Variants in IFT22 observed in about 807,000 individuals in gnomAD.
IFT22 encodes the protein intraflagellar transport protein 22 homolog.
IFT22 carries 13 observed loss-of-function variants against 21.0 expected under a neutral mutation model. The observed-to-expected ratio is 0.62, with a 90% CI of 0.40 to 0.98. The LOEUF is 0.98. IFT22 is among the 50% of genes least tolerant of loss of function. The pLI, the probability that IFT22 is intolerant of heterozygous loss-of-function variation, is 0.00. For missense variants in IFT22, 227 were observed against 228.9 expected (o/e 0.99, Z 0.06); for synonymous variants, 67 against 82.4 (o/e 0.81, Z 1.01).
Position 101,315,043 on chromosome 7 carries a change from A to G in IFT22, c.*91T>C. On this transcript the variant is annotated 3_prime_UTR_variant, in exon 5 of 5. Transcript: ENST00000315322. Reference sequence around the variant, plus strand: ...CACTTCCTCTGCAGTCAGAGGGAGAAGAAAACATCAGGAGCTGGATGTGAT... The same window carrying G: ...CACTTCCTCTGCAGTCAGAGGGAGAGGAAAACATCAGGAGCTGGATGTGAT... 3 of 1,414,338 alleles carry G rather than the reference A, an allele frequency of 2.1e-6. No homozygotes were observed. The highest frequency in any genetic ancestry group is 1.4e-5 in the African/African-American group (1 of 70,068). 87.6% of individuals were successfully genotyped at this position (1,414,338 alleles called of 1,614,324 possible).
chr7:101,316,491 G>C lies in IFT22; in HGVS notation c.258C>G (p.Ile86Met). Residue 86 changes from isoleucine to methionine, a missense_variant, in exon 4 of 5, where the codon ATC becomes ATG. Transcript: ENST00000315322. ...GGCTTGGGATGTCAGCATTGAAGAC[G>C]ATCACCACTCCATGAGCATCCTTCA... is the stretch of plus-strand genomic sequence containing the variant. ...ALMKDAHGVV[I>M]VFNADIPSHR... 6.2e-7 allele frequency: 1 copy of C among 1,614,138 alleles called. No individual in the cohort carries two copies. The highest frequency in any genetic ancestry group is 8.5e-7 in the Non-Finnish European group (1 of 1,180,038).
intron 3 of IFT22, among the ~76,000 whole-genome samples, chr7:101,317,274 T>G (rs1008334623): frequency 6.6e-6 from 1 of 151,992 alleles, no homozygotes; most frequent in African/African-American, 2.4e-5. Context: ...TTCTCGTGCC[T>G]CAGTCTCCTG....
intron 2 of IFT22, 45 bp downstream of exon 2, chr7:101,318,911 C>A (rs368829373): frequency 2.0e-6 from 3 of 1,496,638 alleles, no homozygotes; most frequent in Non-Finnish European, 2.8e-6. Flanking sequence ...AGCCTCCCTG[C>A]CGAGCCAGTT....
chr7:101,315,502 A>C, intron 4 of IFT22: 2 of 575,988 alleles, frequency 3.5e-6, no homozygotes, highest in Non-Finnish European at 6.1e-6. Flanking sequence ...TTAAACCAGA[A>C]AGGAATAGAT....
At position 101,318,936 on chromosome 7, in the gene IFT22, A is replaced by G. The variant is rs767875353; in HGVS notation, c.116+20T>C. 1 of 1,592,498 alleles carries G rather than the reference A, an allele frequency of 6.3e-7. No homozygotes were observed. The highest frequency in any genetic ancestry group is 1.1e-5 in the South Asian group (1 of 90,672). On this transcript the variant is annotated intron_variant, in intron 2 of 4. Transcript: ENST00000315322. ...CCGAGCCAGTTGGACACTCTGGGAC[A>G]CAGATTTGTCAGGGCTCACCTCACT...
chr7:101,316,704 A>G (rs1346223315), intron 3 of IFT22, among the ~76,000 whole-genome samples, 162 bp from the exon 4 acceptor site: 2 of 152,126 alleles, frequency 1.3e-5, no homozygotes. Context: ...GCGGGCGATC[A>G]CGAGGTCAGG....
At chr7:101,320,109 A>G (rs1469204410) in intron 1 of IFT22, among the ~76,000 whole-genome samples, 1 of 151,648 alleles carries the variant, frequency 6.6e-6, no homozygotes, top group Non-Finnish European at 1.5e-5. Context: ...GGCATGCACC[A>G]CCAAGCCCAG....
chr7:101,315,201 T>C lies in IFT22; in HGVS notation c.491A>G (p.Tyr164Cys), dbSNP rs1562931435. 6 of 1,614,054 alleles carry C rather than the reference T, an allele frequency of 3.7e-6. 1 individual carries two copies. The South Asian group carries it at 6.6e-5, about 18-fold the overall frequency. Residue 164 changes from tyrosine (Y) to cysteine (C), a missense_variant, in exon 5 of 5, where the codon TAT (tyrosine) becomes TGT (cysteine). By Grantham distance (194) the Tyr-to-Cys change is radical (BLOSUM62 -2). Coordinates refer to ENST00000315322, the MANE Select transcript of IFT22 (RefSeq NM_022777.4). ...CATGGAGTTGATTATGCTTTTTAAA[T>C]ACTTTATGAATTCCATCCGGATCTC... The part of the protein sequence containing the change: ...PEEIRMEFIK[Y>C]LKSIINSMSE...
chr7:101,321,701 T>G lies in IFT22; in HGVS notation c.9A>C (p.Lys3Asn). The G allele has an allele frequency of 6.2e-7, 1 of 1,602,598 alleles. No individual in the cohort carries two copies. Among genetic ancestry groups the G allele is most frequent in the Non-Finnish European group, 8.5e-7 (1 of 1,174,744 alleles). The stretch of plus-strand genomic sequence containing the variant: ...AAGGCCCCACGAAGAGGATCTTGGC[T>G]TTCAGCATAGTTGTCCGCCGCGGCT... ML[K>N]AKILFVGPCE... The change falls in exon 1 of 5, where the codon AAA becomes AAC. Residue 3 changes from lysine (K) to asparagine (N), a missense_variant. Lys to Asn is a moderately conservative substitution (Grantham distance 94). Transcript: ENST00000315322.
rs1790029685 is a variant in IFT22, at chr7:101,313,352, C to A, written c.*1782G>T. 6.6e-6 allele frequency: 1 copy of A among 151,428 alleles called. No individual in the cohort carries two copies. The highest frequency in any genetic ancestry group is 1.5e-5 in the Non-Finnish European group (1 of 67,934). The allele number at this position is 151,428 out of a possible 1,614,324, so 9.4% of individuals were successfully genotyped here. On this transcript the variant is annotated 3_prime_UTR_variant, in exon 5 of 5. Transcript: ENST00000315322. Reference sequence around the variant, plus strand: ...ACCCACTGCAACTGGCCAGGCACTTCAATTTTTTTTTTTTTGCTCTGTCAC... The same window carrying A: ...ACCCACTGCAACTGGCCAGGCACTTAAATTTTTTTTTTTTTGCTCTGTCAC...
chr7:101,312,533 G>GTTTTTT lies in IFT22; in HGVS notation c.*2595_*2600dup, dbSNP rs386410832. 5.4e-3 allele frequency among the ~76,000 whole-genome samples: 622 copies of GTTTTTT among 114,356 alleles called. 2 individuals carry two copies. The highest frequency in any genetic ancestry group is 7.3e-3 in the Non-Finnish European group (425 of 58,078). 75.0% of individuals were successfully genotyped at this position (114,356 alleles called of 152,430 possible). On this transcript the variant is annotated 3_prime_UTR_variant, in exon 5 of 5. Coordinates refer to ENST00000315322, the MANE Select transcript of IFT22 (RefSeq NM_022777.4). ...TAAATATAATGTTTTGGAGAGAGTT[G>GTTTTTT]TTTTTTTTTTTTTTTTTTTTGTGAC...
chr7:101,318,772 G>A (rs968498745), intron 2 of IFT22, 184 bp downstream of exon 2: 1 of 552,172 alleles, frequency 1.8e-6, no homozygotes, highest in Non-Finnish European at 3.3e-6. Flanking sequence ...ATGTAGCTGA[G>A]ACTACAGACA....
rs1246683242 is a variant in IFT22 at position 101,312,530 on chromosome 7, GTTGTTTTTT to G, written c.*2595_*2603del. ...AAATAAATATAATGTTTTGGAGAGA[GTTGTTTTTT>G]TTTTTTTTTTTTTTGTGACGGAGTC... On this transcript the variant is annotated 3_prime_UTR_variant, in exon 5 of 5. Transcript: ENST00000315322. 2.4e-5 allele frequency among the ~76,000 whole-genome samples: 3 copies of G among 126,580 alleles called. No homozygotes were observed. The highest frequency in any genetic ancestry group is 3.2e-5 in the Non-Finnish European group (2 of 62,312). The allele number at this position is 126,580 out of a possible 152,430, so 83.0% of individuals were successfully genotyped here.
In IFT22 at chr7:101,312,325, G is replaced by C. The variant is rs764512493; in HGVS notation, c.*2809C>G. Among the ~76,000 whole-genome samples, 3 of 152,064 alleles carry C rather than the reference G, an allele frequency of 2.0e-5. No individual in the cohort carries two copies. Among genetic ancestry groups the C allele is most frequent in the Admixed American group, 6.6e-5 (1 of 15,240 alleles). ...GTGTATCTCTAGTCTCAACTACTCAGAGGCTGAGCTGGCGAGATCAGTGGA... is the reference window on the plus strand; with the variant it reads ...GTGTATCTCTAGTCTCAACTACTCACAGGCTGAGCTGGCGAGATCAGTGGA... On this transcript the variant is annotated 3_prime_UTR_variant, in exon 5 of 5. Transcript: ENST00000315322.
chr7:101,316,888 C>T lies in IFT22; in HGVS notation c.207-346G>A, dbSNP rs913858964. Reference sequence around the variant, plus strand: ...GCAGTGAGCTGAGATCGTGCCACTGCACTCCAGCGTGGGTGACAGAGCGAG... The same window carrying T: ...GCAGTGAGCTGAGATCGTGCCACTGTACTCCAGCGTGGGTGACAGAGCGAG... On this transcript the variant is annotated intron_variant, in intron 3 of 4. Coordinates refer to ENST00000315322, the MANE Select transcript of IFT22 (RefSeq NM_022777.4). Among the ~76,000 whole-genome samples, 30 of 151,924 alleles carry T rather than the reference C, an allele frequency of 2.0e-4. 1 individual carries two copies. Among genetic ancestry groups the T allele is most frequent in the Non-Finnish European group, 1.5e-5 (1 of 68,012 alleles).
rs1439986990 is a variant in IFT22 at position 101,321,751 on chromosome 7, C to G, written c.-42G>C. 1.3e-6 allele frequency: 2 copies of G among 1,562,762 alleles called. No homozygotes were observed. The highest frequency in any genetic ancestry group is 2.3e-5 in the South Asian group (2 of 85,330). On this transcript the variant is annotated 5_prime_UTR_variant, in exon 1 of 5. Coordinates refer to ENST00000315322, the MANE Select transcript of IFT22 (RefSeq NM_022777.4). ...TTAGCCGGCCGGAGCCCACGGGAGG[C>G]GGCGCGTCAGGACGGAGCTCTACTT...
At chr7:101,318,251 G>C (rs915231509) in intron 2 of IFT22, 38 bp from the exon 3 acceptor site, 1 of 1,533,584 alleles carries the variant, frequency 6.5e-7, no homozygotes, top group Middle Eastern at 1.7e-4. Flanking sequence ...TGGGTGCAGT[G>C]GCTCACGCCT....
In IFT22 at chr7:101,310,983, G is replaced by T; in HGVS notation, c.*4151C>A. ...GCCATTCAGGTGAACAAAATCTGCT[G>T]GGTTAATTTTTTTTTTTTTTTTTTT... is the stretch of plus-strand genomic sequence containing the variant. On this transcript the variant is annotated 3_prime_UTR_variant, in exon 5 of 5. Transcript: ENST00000315322. 1.0e-5 allele frequency: 3 copies of T among 292,308 alleles called. No homozygotes were observed. Among genetic ancestry groups the T allele is most frequent in the South Asian group, 3.1e-5 (1 of 31,912 alleles). 18.1% of individuals were successfully genotyped at this position (292,308 alleles called of 1,614,324 possible).
At position 101,314,452 on chromosome 7, in the gene IFT22, G is replaced by A. The variant is rs148628218; in HGVS notation, c.*682C>T. The A allele has an allele frequency of 0.014, 2,135 of 152,328 alleles. 23 individuals carry two copies. The highest frequency in any genetic ancestry group is 0.021 in the Non-Finnish European group (1,456 of 68,076). 9.4% of individuals were successfully genotyped at this position (152,328 alleles called of 1,614,324 possible). ...TTACAAGTGTGAGCCACCACGCCCCGCCTAGAACTCTTATAGAGAATGAAG... is the reference window on the plus strand; with the variant it reads ...TTACAAGTGTGAGCCACCACGCCCCACCTAGAACTCTTATAGAGAATGAAG... On this transcript the variant is annotated 3_prime_UTR_variant, in exon 5 of 5. Transcript: ENST00000315322.
Sources: allele counts gnomAD v4.1 joint callset (sites outside exome capture counted in the v4.1 genomes callset), GRCh38; gene constraint gnomAD v4.1.1; transcripts MANE v1.5; gene names NCBI Gene and HGNC (gene_info 2026-07-23, HGNC 2026-07-21).